The following NEGR1 variants were observed in gnomAD, a reference collection of about 807,000 sequenced individuals.
NEGR1 encodes neuronal growth regulator 1.
A neutral mutation model predicts 40.9 loss-of-function variants in NEGR1; 10 were observed. The observed-to-expected ratio is 0.24, with a 90% confidence interval of 0.15 to 0.42. The LOEUF (loss-of-function observed/expected upper bound fraction) is 0.42, where lower values mean the gene tolerates loss of function less well. Among genes scored for constraint, NEGR1 ranks in the 10% least tolerant of loss-of-function variants. The probability of loss-of-function intolerance (pLI) is 1.00; values close to 1 mark genes in which losing one functional copy is unlikely to be tolerated. For missense variants in NEGR1, 352 were observed against 438.9 expected (o/e 0.80, Z 1.77); for synonymous variants, 185 against 166.8 (o/e 1.11, Z -0.84).
At chr1:71,877,125 T>A in intron 2 of NEGR1, among the ~76,000 whole-genome samples, 1 of 148,406 alleles carries the variant, frequency 6.7e-6, no homozygotes, top group Non-Finnish European at 1.5e-5. Flanking sequence ...AAAGCAAAGG[T>A]AGGTAGCACG....
intron 1 of NEGR1, among the ~76,000 whole-genome samples, chr1:72,108,473 T>G (rs1257627054): frequency 6.6e-6 from 1 of 151,534 alleles, no homozygotes; most frequent in Non-Finnish European, 1.5e-5. Context: ...AATAAACTAT[T>G]TATAGTTTAT....
chr1:72,268,425 G>A (rs535779764), intron 1 of NEGR1, among the ~76,000 whole-genome samples: 2 of 151,456 alleles, frequency 1.3e-5, no homozygotes, highest in South Asian at 2.1e-4. Flanking sequence ...GCAGAAATCC[G>A]CACGTAAGTT....
intron 6 of NEGR1, among the ~76,000 whole-genome samples, chr1:71,559,042 T>TAC (rs1648355044): frequency 1.7e-4 from 11 of 65,062 alleles, no homozygotes; most frequent in Admixed American, 1.0e-3. Flanking sequence ...TATATATATA[T>TAC]ATACACATAT....
chr1:72,222,071 C>T (rs932645045), intron 1 of NEGR1, among the ~76,000 whole-genome samples: 11 of 152,184 alleles, frequency 7.2e-5, no homozygotes, highest in Admixed American at 6.5e-4. Flanking sequence ...ACCCAACCTA[C>T]AGGCTGGCCC....
At chr1:71,937,101 A>C (rs1246728297) in intron 1 of NEGR1, among the ~76,000 whole-genome samples, 2 of 152,164 alleles carry the variant, frequency 1.3e-5, no homozygotes, top group Non-Finnish European at 2.9e-5. Context: ...GTATGAAACT[A>C]ATCAGTGGGT....
At chr1:71,688,293 G>C (rs2101618300) in intron 4 of NEGR1, among the ~76,000 whole-genome samples, 1 of 101,216 alleles carries the variant, frequency 9.9e-6, no homozygotes, top group Non-Finnish European at 1.9e-5. Flanking sequence ...AGGTGAACTG[G>C]AGGAGTTTCC....
At chr1:71,886,775 T>G (rs1660736555) in intron 2 of NEGR1, among the ~76,000 whole-genome samples, 1 of 152,086 alleles carries the variant, frequency 6.6e-6, no homozygotes, top group Admixed American at 6.6e-5. Context: ...CATTTACTGG[T>G]TTTCTGCAAT....
chr1:72,106,323 G>T (rs1297157648), intron 1 of NEGR1, among the ~76,000 whole-genome samples: 1 of 152,004 alleles, frequency 6.6e-6, no homozygotes, highest in East Asian at 1.9e-4. Flanking sequence ...AAGCTGAGAT[G>T]TTAGAACCCT....
chr1:72,276,565 C>T (rs561875087), intron 1 of NEGR1, among the ~76,000 whole-genome samples: 5 of 152,026 alleles, frequency 3.3e-5, no homozygotes, highest in Non-Finnish European at 7.4e-5. Context: ...TTCAATATTC[C>T]ATTTATTCAT....
intron 1 of NEGR1, among the ~76,000 whole-genome samples, chr1:72,070,742 A>G (rs1209688148): frequency 1.3e-5 from 2 of 152,038 alleles, no homozygotes; most frequent in African/African-American, 4.8e-5. Context: ...TCATCCAACT[A>G]CATTGTGGTT....
chr1:71,686,072 A>G (rs1653026801), intron 4 of NEGR1, among the ~76,000 whole-genome samples: 1 of 152,064 alleles, frequency 6.6e-6, no homozygotes, highest in South Asian at 2.1e-4. Flanking sequence ...AAATTTGCAA[A>G]CAGAAATTTG....
intron 6 of NEGR1, among the ~76,000 whole-genome samples, chr1:71,491,465 A>C (rs916002859): frequency 3.3e-5 from 5 of 152,054 alleles, no homozygotes; most frequent in African/African-American, 1.2e-4. Context: ...CTAAAGATGA[A>C]AATAATGGAA....
chr1:71,582,711 T>C (rs1306650685), intron 6 of NEGR1, among the ~76,000 whole-genome samples: 1 of 152,204 alleles, frequency 6.6e-6, no homozygotes, highest in East Asian at 1.9e-4. Flanking sequence ...AAAGTAATCC[T>C]GCTTTTCCCC....
intron 1 of NEGR1, among the ~76,000 whole-genome samples, chr1:72,148,678 A>C (rs1202772589): frequency 6.6e-6 from 1 of 152,086 alleles, no homozygotes; most frequent in East Asian, 1.9e-4. Flanking sequence ...AGATACCCTA[A>C]ATCATCTCTC....
chr1:71,543,017 T>C (rs1207647267), intron 6 of NEGR1, among the ~76,000 whole-genome samples: 3 of 151,866 alleles, frequency 2.0e-5, no homozygotes, highest in South Asian at 4.1e-4. Flanking sequence ...TGAGTATGTA[T>C]ATATGACATG....
At chr1:71,853,545 A>C (rs1659673489) in intron 2 of NEGR1, among the ~76,000 whole-genome samples, 1 of 152,076 alleles carries the variant, frequency 6.6e-6, no homozygotes, top group South Asian at 2.1e-4. Flanking sequence ...TGAGCTATGT[A>C]GCACACTAGG....
chr1:71,957,985 T>G (rs1646132701), intron 1 of NEGR1, among the ~76,000 whole-genome samples: 1 of 152,198 alleles, frequency 6.6e-6, no homozygotes, highest in Non-Finnish European at 1.5e-5. Context: ...ATGTCCTCAT[T>G]GTATTTTCAT....
At chr1:71,775,236 T>A (rs904614992) in intron 3 of NEGR1, among the ~76,000 whole-genome samples, 8 of 152,230 alleles carry the variant, frequency 5.3e-5, no homozygotes, top group Non-Finnish European at 7.3e-5. Context: ...CATTTGAGCC[T>A]TTTGTCTATT....
intron 6 of NEGR1, among the ~76,000 whole-genome samples, chr1:71,462,081 G>C (rs903494723): frequency 6.6e-6 from 1 of 152,020 alleles, no homozygotes; most frequent in Non-Finnish European, 1.5e-5. Flanking sequence ...TTTTAAACTA[G>C]GTGTTATAAA....
Sources: allele counts gnomAD v4.1 joint callset (sites outside exome capture counted in the v4.1 genomes callset), GRCh38; gene constraint gnomAD v4.1.1; transcripts MANE v1.5; gene names NCBI Gene and HGNC (gene_info 2026-07-23, HGNC 2026-07-21).